Variants in TMTC2 observed in about 807,000 individuals in gnomAD.
TMTC2 encodes protein O-mannosyl-transferase TMTC2.
In TMTC2, 43 loss-of-function variants were observed where a neutral mutation model predicts 82.4. The observed-to-expected ratio is 0.52, with a 90% CI of 0.41 to 0.67. The LOEUF (loss-of-function observed/expected upper bound fraction) is 0.67. TMTC2 is among the 30% of genes least tolerant of loss of function. The pLI, the probability that TMTC2 is intolerant of heterozygous loss-of-function variation, is 0.00. For synonymous variants in TMTC2, 408 were observed against 381.9 expected, an observed-to-expected ratio of 1.07 and a Z score of -0.80; for missense variants, 919 against 1,012.4, an observed-to-expected ratio of 0.91 and a Z score of 1.25.
intron 8 of TMTC2, among the ~76,000 whole-genome samples, chr12:83,028,920 A>C (rs1188081297): frequency 6.6e-6 from 1 of 152,210 alleles, no homozygotes; most frequent in Non-Finnish European, 1.5e-5. Flanking sequence ...TAAAATTTTT[A>C]ATTACTGCTA....
Position 83,132,432 on chromosome 12 carries a change from G to T in TMTC2, c.*43G>T, listed in dbSNP as rs760925842. The T allele has an allele frequency of 1.9e-5, 30 of 1,605,242 alleles. No homozygotes were observed. In the Admixed American group the frequency reaches 4.8e-4, roughly 26 times the overall value. On this transcript the variant is annotated 3_prime_UTR_variant, in exon 12 of 12. Coordinates refer to ENST00000321196, the MANE Select transcript of TMTC2 (RefSeq NM_152588.3). ...CATCCTCCTCCATTTTTAAAAGCTG[G>T]CTTCCTTAGCAGACAGAACTTCCCA... is the stretch of plus-strand genomic sequence containing the variant.
At chr12:82,912,719 C>G (rs1424385529) in intron 3 of TMTC2, among the ~76,000 whole-genome samples, 1 of 152,058 alleles carries the variant, frequency 6.6e-6, no homozygotes, top group Non-Finnish European at 1.5e-5. Flanking sequence ...GGGTGGATCA[C>G]TTGAGCCCAG....
intron 1 of TMTC2, among the ~76,000 whole-genome samples, chr12:82,791,899 A>G (rs1437769744): frequency 6.6e-6 from 1 of 152,024 alleles, no homozygotes; most frequent in Non-Finnish European, 1.5e-5. Context: ...TGCTTATGCT[A>G]TATCTTCATT....
chr12:82,755,948 A>G (rs1445846869), intron 1 of TMTC2, among the ~76,000 whole-genome samples: 1 of 152,190 alleles, frequency 6.6e-6, no homozygotes, highest in Non-Finnish European at 1.5e-5. Flanking sequence ...AAACCCTGAT[A>G]TTTGTGCTCA....
intron 4 of TMTC2, among the ~76,000 whole-genome samples, chr12:82,941,353 C>T (rs147103338): frequency 6.6e-6 from 1 of 152,218 alleles, no homozygotes; most frequent in Non-Finnish European, 1.5e-5. Context: ...AGCACAATAT[C>T]AGGCACATAG....
At chr12:83,006,608 G>C (rs1880215273) in intron 8 of TMTC2, among the ~76,000 whole-genome samples, 1 of 152,128 alleles carries the variant, frequency 6.6e-6, no homozygotes, top group Non-Finnish European at 1.5e-5. Context: ...TGGGTATATA[G>C]CAAAAGGATT....
intron 1 of TMTC2, among the ~76,000 whole-genome samples, chr12:82,813,160 T>C (rs1868492916): frequency 6.6e-6 from 1 of 152,124 alleles, no homozygotes. Context: ...CCAATATGTA[T>C]AGTTTTAAAT....
intron 3 of TMTC2, among the ~76,000 whole-genome samples, chr12:82,903,473 G>A (rs184725844): frequency 1.3e-5 from 2 of 152,162 alleles, no homozygotes; most frequent in African/African-American, 2.4e-5. Context: ...GTGCAGTGGC[G>A]CGATCTCGCC....
chr12:82,973,153 C>T (rs1324707636), intron 7 of TMTC2, among the ~76,000 whole-genome samples: 1 of 152,084 alleles, frequency 6.6e-6, no homozygotes, highest in African/African-American at 2.4e-5. Context: ...CACCTGCTTC[C>T]CCTATTTTGA....
At chr12:82,849,905 A>G (rs1870883331) in intron 1 of TMTC2, among the ~76,000 whole-genome samples, 1 of 152,216 alleles carries the variant, frequency 6.6e-6, no homozygotes, top group East Asian at 1.9e-4. Flanking sequence ...ATTCTCAAGC[A>G]GCTCTAGGAT....
In TMTC2 at chr12:83,085,367, G is replaced by A. The variant is rs142444679; in HGVS notation, c.2331+23536G>A. On this transcript the variant is annotated intron_variant, in intron 11 of 11. Coordinates refer to ENST00000321196, the MANE Select transcript of TMTC2 (RefSeq NM_152588.3). ...CCTTTTTATTTGTCCCAGAGAGAAC[G>A]GGCATAGTTTTTTAATTGCAGTCAG... 2.6e-5 allele frequency among the ~76,000 whole-genome samples: 4 copies of A among 152,184 alleles called. 1 individual carries two copies. The highest frequency in any genetic ancestry group is 9.6e-5 in the African/African-American group (4 of 41,538).
intron 11 of TMTC2, among the ~76,000 whole-genome samples, chr12:83,127,394 C>A (rs1486051082): frequency 1.3e-5 from 2 of 152,004 alleles, no homozygotes; most frequent in African/African-American, 4.8e-5. Flanking sequence ...ACTCCTCTTG[C>A]CTGTTGATTA....
At chr12:82,775,026 A>G (rs1431334554) in intron 1 of TMTC2, among the ~76,000 whole-genome samples, 1 of 152,132 alleles carries the variant, frequency 6.6e-6, no homozygotes, top group Non-Finnish European at 1.5e-5. Context: ...GAGTCTTGCC[A>G]TTGGTAAGAC....
intron 8 of TMTC2, among the ~76,000 whole-genome samples, chr12:83,010,391 C>T (rs906079548): frequency 6.6e-6 from 1 of 152,152 alleles, no homozygotes; most frequent in African/African-American, 2.4e-5. Flanking sequence ...ATCAGTGAGA[C>T]GCCAGACCTC....
chr12:82,834,740 A>G (rs894179225), intron 1 of TMTC2, among the ~76,000 whole-genome samples: 4 of 152,210 alleles, frequency 2.6e-5, no homozygotes, highest in Admixed American at 1.3e-4. Context: ...ACAGTTCCCT[A>G]ATCTTGGATG....
intron 8 of TMTC2, among the ~76,000 whole-genome samples, chr12:83,022,332 C>G (rs1880969077): frequency 6.6e-6 from 1 of 151,472 alleles, no homozygotes; most frequent in East Asian, 2.0e-4. Flanking sequence ...TCACTAAAGG[C>G]CTTCCTTTGT....
intron 8 of TMTC2, among the ~76,000 whole-genome samples, chr12:83,018,145 A>G (rs1270212854): frequency 7.0e-6 from 1 of 142,512 alleles, no homozygotes; most frequent in East Asian, 1.9e-4. Context: ...GCACCCTGCC[A>G]GTGACAAATG....
At chr12:82,811,521 T>C (rs1256746503) in intron 1 of TMTC2, among the ~76,000 whole-genome samples, 2 of 152,000 alleles carry the variant, frequency 1.3e-5, no homozygotes, top group Non-Finnish European at 2.9e-5. Context: ...CAGAAAGAAA[T>C]GGAAAAATCA....
Position 82,812,455 on chromosome 12 carries a change from A to G in TMTC2, c.84-44555A>G, listed in dbSNP as rs531316794. Among the ~76,000 whole-genome samples the G allele has an allele frequency of 2.0e-5, 3 of 152,266 alleles. No individual in the cohort carries two copies. In the East Asian group the frequency reaches 5.8e-4, roughly 29 times the overall value. On this transcript the variant is annotated intron_variant, in intron 1 of 11. Transcript: ENST00000321196. ...CATTTAATGGTAATGGAAAGCATCA[A>G]CTGACTTAGCCAAGTTTTTTGAGTG... is the stretch of plus-strand genomic sequence containing the variant.
Sources: allele counts gnomAD v4.1 joint callset (sites outside exome capture counted in the v4.1 genomes callset), GRCh38; gene constraint gnomAD v4.1.1; transcripts MANE v1.5; gene names NCBI Gene and HGNC (gene_info 2026-07-23, HGNC 2026-07-21).